The following FRMPD1 variants were observed in gnomAD, a reference collection of about 807,000 sequenced individuals.
FRMPD1 encodes the protein FERM and PDZ domain containing 1.
A neutral mutation model predicts 117.8 loss-of-function variants in FRMPD1; 76 were observed. That is an observed-to-expected ratio of 0.65 (90% CI 0.54 to 0.78). FRMPD1 has a LOEUF of 0.78. FRMPD1 is among the 30% of genes least tolerant of loss of function. The pLI is 0.00. For missense variants in FRMPD1, 1,786 were observed against 1,964.5 expected, an observed-to-expected ratio of 0.91 and a Z score of 1.72; for synonymous variants, 783 against 770.4, an observed-to-expected ratio of 1.02 and a Z score of -0.27.
At chr9:37,673,104 T>A (rs941039112) in intron 1 of FRMPD1, among the ~76,000 whole-genome samples, 3 of 152,134 alleles carry the variant, frequency 2.0e-5, no homozygotes, top group Non-Finnish European at 2.9e-5. Context: ...CAATCCAAAG[T>A]CTCATCTGAG....
the FRMPD1 span, among the ~76,000 whole-genome samples, chr9:37,633,032 T>TC: frequency 5.6e-3 from 49 of 8,814 alleles, no homozygotes; most frequent in Non-Finnish European, 0.02. Context: ...TATATATATA[T>TC]TTTTCTTTTC....
rs963168447 is a variant in FRMPD1 at position 37,697,409 on chromosome 9, A to C, written c.101+4667A>C. ...AAATCCCGTCTCTGCTAAAAAAAAAACAAAAAAATTAGCCGGGCGTGGTGG... is the reference window on the plus strand; with the variant it reads ...AAATCCCGTCTCTGCTAAAAAAAAACCAAAAAAATTAGCCGGGCGTGGTGG... On this transcript the variant is annotated intron_variant, in intron 2 of 15. Transcript: ENST00000377765. 7.9e-5 allele frequency among the ~76,000 whole-genome samples: 12 copies of C among 151,920 alleles called. No individual in the cohort carries two copies. In the East Asian group the frequency reaches 9.7e-4, roughly 12 times the overall value.
the FRMPD1 span, among the ~76,000 whole-genome samples, chr9:37,643,169 T>C: frequency 6.6e-6 from 1 of 152,242 alleles, no homozygotes; most frequent in Non-Finnish European, 1.5e-5. Flanking sequence ...GAGTCTTTTT[T>C]ACCTGATAAC....
chr9:37,728,549 T>C (rs748994370), intron 7 of FRMPD1, among the ~76,000 whole-genome samples: 72 of 152,212 alleles, frequency 4.7e-4, no homozygotes, highest in Non-Finnish European at 1.8e-4. Flanking sequence ...AAGAAGAGTG[T>C]GGCGTGGCAA....
chr9:37,625,955 G>A, the FRMPD1 span, among the ~76,000 whole-genome samples: 1 of 152,254 alleles, frequency 6.6e-6, no homozygotes, highest in East Asian at 1.9e-4. Flanking sequence ...GGGAGCGGCG[G>A]CTCACGCCTG....
the FRMPD1 span, among the ~76,000 whole-genome samples, chr9:37,622,763 A>G: frequency 3.3e-5 from 5 of 152,266 alleles, no homozygotes; most frequent in Admixed American, 3.3e-4. Flanking sequence ...ACATTGCAGT[A>G]GTCTCATTAA....
intron 2 of FRMPD1, among the ~76,000 whole-genome samples, chr9:37,697,540 C>T (rs1822367729): frequency 6.6e-6 from 1 of 151,594 alleles, no homozygotes; most frequent in African/African-American, 2.4e-5. Context: ...GCACTCCAGC[C>T]TGGGTGAAAG....
intron 2 of FRMPD1, among the ~76,000 whole-genome samples, chr9:37,699,352 C>G (rs1822452914): frequency 7.2e-6 from 1 of 138,616 alleles, no homozygotes; most frequent in Non-Finnish European, 1.5e-5. Context: ...TAGGGTCTTG[C>G]TCTGTTGCCC....
chr9:37,606,945 G>T, the FRMPD1 span, among the ~76,000 whole-genome samples: 1 of 152,338 alleles, frequency 6.6e-6, no homozygotes, highest in East Asian at 1.9e-4. Context: ...CCTGGGAGAA[G>T]GGAGAAGGGT....
chr9:37,643,350 T>C, the FRMPD1 span, among the ~76,000 whole-genome samples: 601 of 152,310 alleles, frequency 3.9e-3, 11 homozygotes, highest in African/African-American at 0.014. Flanking sequence ...AGATATTTCA[T>C]CAATGTTTTA....
intron 1 of FRMPD1, among the ~76,000 whole-genome samples, chr9:37,653,733 T>A (rs546243747): frequency 6.6e-6 from 1 of 152,226 alleles, no homozygotes; most frequent in East Asian, 1.9e-4. Flanking sequence ...CTGTCTTAGA[T>A]TTGCAGTGGT....
Position 37,746,167 on chromosome 9 carries a change from C to A in FRMPD1, c.4135C>A (p.Pro1379Thr), listed in dbSNP as rs1269874021. 2.5e-6 allele frequency: 4 copies of A among 1,613,578 alleles called. No individual in the cohort carries two copies. Among genetic ancestry groups the A allele is most frequent in the Non-Finnish European group, 3.4e-6 (4 of 1,179,950 alleles). The change falls in exon 16 of 16, where the codon CCC becomes ACC. Residue 1379 changes from proline to threonine, a missense_variant. Physicochemically the swap from Pro to Thr is conservative, Grantham distance 38. Coordinates refer to ENST00000377765, the MANE Select transcript of FRMPD1 (RefSeq NM_014907.3). ...PPSAGSPVVL[P>T]WRPARAHSCT... ...CTCTGCGGGAAGCCCGGTGGTTCTG[C>A]CCTGGAGGCCTGCCCGAGCCCACAG...
At chr9:37,702,721 G>A (rs1180407087) in intron 2 of FRMPD1, among the ~76,000 whole-genome samples, 1 of 152,192 alleles carries the variant, frequency 6.6e-6, no homozygotes, top group Non-Finnish European at 1.5e-5. Flanking sequence ...TTGTTCTGTG[G>A]GTGGTGGGGA....
intron 13 of FRMPD1, among the ~76,000 whole-genome samples, chr9:37,735,998 A>G (rs1339808990): frequency 7.5e-6 from 1 of 132,806 alleles, no homozygotes; most frequent in South Asian, 2.6e-4. Context: ...GGAGAACACC[A>G]GAGGATTTTT....
intron 8 of FRMPD1, 111 bp from the exon 9 acceptor site, chr9:37,730,873 A>G: frequency 9.1e-7 from 1 of 1,102,826 alleles, no homozygotes; most frequent in Non-Finnish European, 1.3e-6. Flanking sequence ...CTAGAATTGA[A>G]ATCTCTGGGA....
intron 2 of FRMPD1, among the ~76,000 whole-genome samples, chr9:37,706,997 G>A (rs1003561540): frequency 1.3e-5 from 2 of 151,946 alleles, no homozygotes; most frequent in African/African-American, 4.8e-5. Context: ...GATTCACTCA[G>A]CAGCAGTTAT....
the FRMPD1 span, among the ~76,000 whole-genome samples, chr9:37,607,731 C>T: frequency 6.6e-5 from 10 of 152,074 alleles, no homozygotes; most frequent in Non-Finnish European, 1.3e-4. Flanking sequence ...ATTACAGGGT[C>T]GGGGATTTAT....
At chr9:37,619,132 A>G in the FRMPD1 span, among the ~76,000 whole-genome samples, 1 of 152,226 alleles carries the variant, frequency 6.6e-6, no homozygotes, top group Non-Finnish European at 1.5e-5. Context: ...AGAGCTCTAA[A>G]GTGGAACAGA....
chr9:37,660,919 T>A (rs1425603492), intron 1 of FRMPD1, among the ~76,000 whole-genome samples: 1 of 152,230 alleles, frequency 6.6e-6, no homozygotes, highest in Non-Finnish European at 1.5e-5. Context: ...CTTCCTTAGC[T>A]GCATCTGGCT....
Sources: allele counts gnomAD v4.1 joint callset (sites outside exome capture counted in the v4.1 genomes callset), GRCh38; gene constraint gnomAD v4.1.1; transcripts MANE v1.5; gene names NCBI Gene and HGNC (gene_info 2026-07-23, HGNC 2026-07-21).